The following CTNNA2 variants were observed in gnomAD, a reference collection of about 807,000 sequenced individuals.
CTNNA2 encodes catenin alpha-2.
CTNNA2 carries 42 observed loss-of-function variants against 101.0 expected under a neutral mutation model. That is an observed-to-expected ratio of 0.42 (90% CI 0.32 to 0.54). The LOEUF (loss-of-function observed/expected upper bound fraction) is 0.54. CTNNA2 is among the 20% of genes least tolerant of loss of function. The pLI, the probability that CTNNA2 is intolerant of heterozygous loss-of-function variation, is 0.14. For missense variants in CTNNA2, 871 were observed against 1,223.1 expected (o/e 0.71, Z 4.29); for synonymous variants, 450 against 456.4 (o/e 0.99, Z 0.18).
chr2:79,745,308 G>T (rs1052140751), intron 3 of CTNNA2, among the ~76,000 whole-genome samples: 1 of 151,968 alleles, frequency 6.6e-6, no homozygotes, highest in African/African-American at 2.4e-5. Context: ...GCGTGCGCCT[G>T]TAGTCCCAGC....
intron 7 of CTNNA2, among the ~76,000 whole-genome samples, chr2:80,197,472 T>C (rs561342569): frequency 2.6e-5 from 4 of 152,236 alleles, no homozygotes; most frequent in Non-Finnish European, 5.9e-5. Flanking sequence ...ATAAGGCAGA[T>C]GTTATTATTC....
intron 11 of CTNNA2, among the ~76,000 whole-genome samples, chr2:80,553,968 A>G (rs2149654890): frequency 6.6e-6 from 1 of 152,322 alleles, no homozygotes; most frequent in South Asian, 2.1e-4. Flanking sequence ...TAGAAATCGA[A>G]ATACTAAAAT....
chr2:80,363,513 A>G (rs1030132993), intron 7 of CTNNA2, among the ~76,000 whole-genome samples: 2 of 152,186 alleles, frequency 1.3e-5, no homozygotes, highest in Admixed American at 6.5e-5. Context: ...TGTTCTTCAG[A>G]CATGGAATTC....
At position 80,602,892 on chromosome 2, in the gene CTNNA2, A is replaced by C. The variant is rs554542985; in HGVS notation, c.2190-1182A>C. ...CAGTATATTTTACTTATACTGACTA[A>C]TGTAGAAAAATCCAAGAAGGTGAGT... On this transcript the variant is annotated intron_variant, in intron 15 of 18. Coordinates refer to ENST00000402739, the MANE Select transcript of CTNNA2 (RefSeq NM_001282597.3). Among the ~76,000 whole-genome samples, 84 of 152,246 alleles carry C rather than the reference A, an allele frequency of 5.5e-4. No individual in the cohort carries two copies. In the Middle Eastern group the frequency reaches 0.014, roughly 25 times the overall value.
intron 7 of CTNNA2, among the ~76,000 whole-genome samples, chr2:80,311,952 G>A (rs1468848439): frequency 6.6e-6 from 1 of 152,156 alleles, no homozygotes; most frequent in Non-Finnish European, 1.5e-5. Context: ...GAAGAATGCT[G>A]GTGCAGGAAC....
At chr2:80,095,420 G>A (rs1283302166) in intron 7 of CTNNA2, among the ~76,000 whole-genome samples, 1 of 152,192 alleles carries the variant, frequency 6.6e-6, no homozygotes, top group African/African-American at 2.4e-5. Context: ...TTTTATTGAG[G>A]ATTTTTGCGT....
intron 2 of CTNNA2, among the ~76,000 whole-genome samples, chr2:79,281,056 C>A (rs184144660): frequency 1.8e-4 from 27 of 152,182 alleles, no homozygotes; most frequent in Admixed American, 3.9e-4. Context: ...CCCCCACATC[C>A]TTATGGGGCT....
intron 7 of CTNNA2, among the ~76,000 whole-genome samples, chr2:80,290,112 G>C (rs567600209): frequency 6.6e-6 from 1 of 152,128 alleles, no homozygotes. Flanking sequence ...TGTGAAGCAG[G>C]CTGAGCAAGG....
At chr2:80,193,855 C>T (rs760864107) in intron 7 of CTNNA2, among the ~76,000 whole-genome samples, 2 of 152,116 alleles carry the variant, frequency 1.3e-5, no homozygotes, top group African/African-American at 4.8e-5. Context: ...CATGTCTGGC[C>T]ATGAGGACAG....
At chr2:79,921,168 G>A (rs1417395146) in intron 7 of CTNNA2, among the ~76,000 whole-genome samples, 1 of 152,136 alleles carries the variant, frequency 6.6e-6, no homozygotes, top group Non-Finnish European at 1.5e-5. Flanking sequence ...TCCTGCTGAG[G>A]GGGTTTTGAT....
intron 9 of CTNNA2, among the ~76,000 whole-genome samples, chr2:80,496,344 T>C (rs1332751497): frequency 6.6e-6 from 1 of 152,080 alleles, no homozygotes. Context: ...TATACACATA[T>C]AATGCCTGGC....
rs1674333223 is a variant in CTNNA2 at position 80,648,370 on chromosome 2, C to CTATATCCGTGATAT, written c.*502_*515dup. 6.6e-6 allele frequency: 1 copy of CTATATCCGTGATAT among 152,606 alleles called. No individual in the cohort carries two copies. The highest frequency in any genetic ancestry group is 2.4e-5 in the African/African-American group (1 of 41,420). 9.5% of individuals were successfully genotyped at this position (152,606 alleles called of 1,614,324 possible). On this transcript the variant is annotated 3_prime_UTR_variant, in exon 19 of 19. Transcript: ENST00000402739. ...GAATTGAACAATTTAACCTTGAAGT[C>CTATATCCGTGATAT]TATATCCGTGATATTATGTCGATTT...
chr2:80,062,511 T>C (rs1470114293), intron 7 of CTNNA2, among the ~76,000 whole-genome samples: 1 of 152,240 alleles, frequency 6.6e-6, no homozygotes, highest in Non-Finnish European at 1.5e-5. Flanking sequence ...ATTGCAATAA[T>C]GCTCCTGGGT....
chr2:79,768,498 A>G (rs1673330217), intron 3 of CTNNA2, among the ~76,000 whole-genome samples: 1 of 151,516 alleles, frequency 6.6e-6, no homozygotes, highest in South Asian at 2.1e-4. Flanking sequence ...GGAGCTTTCT[A>G]TTCCACCATC....
intron 2 of CTNNA2, among the ~76,000 whole-genome samples, chr2:79,264,819 C>T (rs192232897): frequency 5.3e-5 from 8 of 151,990 alleles, no homozygotes; most frequent in African/African-American, 1.9e-4. Flanking sequence ...TTCTCAGGAA[C>T]CTATTTGAAG....
Position 79,752,464 on chromosome 2 carries a change from G to A in CTNNA2, c.298+7882G>A, listed in dbSNP as rs114016228. Among the ~76,000 whole-genome samples the A allele has an allele frequency of 2.2e-3, 328 of 152,282 alleles. 2 individuals carry two copies. The highest frequency in any genetic ancestry group is 7.6e-3 in the African/African-American group (316 of 41,564). On this transcript the variant is annotated intron_variant, in intron 3 of 18. Coordinates refer to ENST00000402739, the MANE Select transcript of CTNNA2 (RefSeq NM_001282597.3). ...ATTATATTCAAAAGTGCATTTTCAG[G>A]AAGCCACAAGGGCAATAGCTAAATG...
chr2:79,926,248 G>A (rs1173239061), intron 7 of CTNNA2, among the ~76,000 whole-genome samples: 17 of 152,090 alleles, frequency 1.1e-4, no homozygotes, highest in Admixed American at 9.8e-4. Context: ...CCTTCCAGGT[G>A]AAGAATAGCA....
intron 2 of CTNNA2, among the ~76,000 whole-genome samples, chr2:79,265,170 C>T (rs1170266851): frequency 3.3e-5 from 5 of 152,126 alleles, no homozygotes; most frequent in Non-Finnish European, 5.9e-5. Context: ...CTCAAATTGC[C>T]GGTTGGAGAC....
At chr2:80,214,964 T>G (rs1708162471) in intron 7 of CTNNA2, among the ~76,000 whole-genome samples, 2 of 152,208 alleles carry the variant, frequency 1.3e-5, no homozygotes, top group South Asian at 4.1e-4. Flanking sequence ...TTTCTTTTAC[T>G]CTTTTTTCTC....
Sources: allele counts gnomAD v4.1 joint callset (sites outside exome capture counted in the v4.1 genomes callset), GRCh38; gene constraint gnomAD v4.1.1; transcripts MANE v1.5; gene names NCBI Gene and HGNC (gene_info 2026-07-23, HGNC 2026-07-21).